Variants in TBC1D7 observed in about 807,000 individuals in gnomAD.
TBC1D7 encodes TBC domain family 7.
TBC1D7 carries 33 observed loss-of-function variants against 35.3 expected under a neutral mutation model. The ratio of observed to expected loss-of-function variants is 0.93; its 90% CI spans 0.71 to 1.25. The LOEUF (loss-of-function observed/expected upper bound fraction) is 1.25. Ranked by LOEUF, TBC1D7 falls within the 50% of genes most tolerant of loss-of-function variation. The pLI is 0.00. For synonymous variants in TBC1D7, 135 were observed against 129.5 expected (o/e 1.04, Z -0.29); for missense variants, 362 against 365.3 (o/e 0.99, Z 0.07).
At chr6:13,309,630 T>C (rs1012188450) in intron 5 of TBC1D7, among the ~76,000 whole-genome samples, 8 of 152,336 alleles carry the variant, frequency 5.3e-5, no homozygotes, top group African/African-American at 9.6e-5. Flanking sequence ...AAAGAGGACA[T>C]AGACAGCAAG....
intron 3 of TBC1D7, among the ~76,000 whole-genome samples, chr6:13,321,424 C>T (rs542629255): frequency 6.6e-6 from 1 of 152,328 alleles, no homozygotes; most frequent in Non-Finnish European, 1.5e-5. Context: ...TAATTTATGG[C>T]AGCCTCAGGC....
chr6:13,325,304 T>C (rs550940093), intron 2 of TBC1D7, 130 bp from the exon 3 acceptor site: 1 of 638,998 alleles, frequency 1.6e-6, no homozygotes, highest in African/African-American at 1.9e-5. Flanking sequence ...ATATGGTCAG[T>C]AAGTTTAGGA....
chr6:13,328,071 G>A (rs997162719), intron 1 of TBC1D7: 5 of 152,136 alleles, frequency 3.3e-5, no homozygotes, highest in African/African-American at 1.2e-4. Flanking sequence ...TAATGAGTGT[G>A]GGGATTTATT....
Position 13,316,641 on chromosome 6 carries a change from T to C in TBC1D7, c.449A>G (p.Asp150Gly), listed in dbSNP as rs567022399. Reference sequence around the variant, plus strand: ...AAAGCGTCGGGTGATCCAGTAACAGTCGACACTATCTTCCACCATTTCCTC... The same window carrying C: ...AAAGCGTCGGGTGATCCAGTAACAGCCGACACTATCTTCCACCATTTCCTC... ...AMEEMVEDSVDCYWITRRFVN... is the reference protein window; with the variant it reads ...AMEEMVEDSVGCYWITRRFVN... Residue 150 changes from aspartate to glycine, a missense_variant, in exon 5 of 8, where the codon GAC (aspartate) becomes GGC (glycine). Transcript: ENST00000379300. 1.9e-5 allele frequency: 30 copies of C among 1,613,968 alleles called. No individual in the cohort carries two copies. The South Asian group carries it at 3.0e-4, about 16-fold the overall frequency.
Position 13,307,696 on chromosome 6 carries a change from G to A in TBC1D7, c.569C>T (p.Thr190Ile), listed in dbSNP as rs751221249. Residue 190 changes from threonine to isoleucine, a missense_variant, in exon 6 of 8, where the codon ACT (threonine) becomes ATT (isoleucine). Coordinates refer to ENST00000379300, the MANE Select transcript of TBC1D7 (RefSeq NM_016495.6). ...YLNLEDGRLL[T>I]HLRMCSAAPK... ...CGCCGCGGAACACATCCTCAGATGA[G>A]TCAGCAGTCTGCCATCTTCCAGATT... 1 of 1,614,126 alleles carries A rather than the reference G, an allele frequency of 6.2e-7. No individual in the cohort carries two copies. The highest frequency in any genetic ancestry group is 8.5e-7 in the Non-Finnish European group (1 of 1,179,996).
intron 5 of TBC1D7, among the ~76,000 whole-genome samples, chr6:13,313,510 T>C (rs1037469094): frequency 3.3e-5 from 5 of 152,162 alleles, no homozygotes; most frequent in African/African-American, 9.7e-5. Context: ...ATTTTAAATA[T>C]GTCTCCCCTC....
intron 6 of TBC1D7, 50 bp from the exon 7 acceptor site, chr6:13,306,577 T>C (rs746797390): frequency 1.4e-6 from 2 of 1,429,558 alleles, no homozygotes; most frequent in African/African-American, 1.5e-5. Flanking sequence ...CAGAATTATG[T>C]TTAGCCTAGA....
At position 13,307,624 on chromosome 6, in the gene TBC1D7, C is replaced by G; in HGVS notation, c.641G>C (p.Cys214Ser). 6.2e-7 allele frequency: 1 copy of G among 1,614,178 alleles called. No homozygotes were observed. Among genetic ancestry groups the G allele is most frequent in the East Asian group, 2.2e-5 (1 of 44,888 alleles). ...CCTCTGTAAACTGGATTCAGGCAAA[C>G]ATCCCGCAAAGCACCTCTTGAACCA... ...DLWFKRCFAG[C>S]LPESSLQRVW... Residue 214 changes from cysteine (C) to serine (S), a missense_variant, in exon 6 of 8, where the codon TGT becomes TCT. Coordinates refer to ENST00000379300, the MANE Select transcript of TBC1D7 (RefSeq NM_016495.6).
intron 3 of TBC1D7, chr6:13,323,903 G>C (rs1436673831): frequency 6.6e-6 from 1 of 152,232 alleles, no homozygotes; most frequent in Non-Finnish European, 1.5e-5. Context: ...CCTTAGGCAA[G>C]TTACTTAGCC....
intron 1 of TBC1D7, 40 bp from the exon 2 acceptor site, chr6:13,326,946 C>T (rs201595038): frequency 1.4e-5 from 17 of 1,192,092 alleles, no homozygotes; most frequent in African/African-American, 4.6e-5. Context: ...GAGAGAAAGA[C>T]GAAGGGGAAA....
chr6:13,305,366 C>T (rs1782739545), intron 7 of TBC1D7, among the ~76,000 whole-genome samples, 179 bp from the exon 8 acceptor site: 1 of 152,220 alleles, frequency 6.6e-6, no homozygotes, highest in African/African-American at 2.4e-5. Context: ...CCAGTGTCAG[C>T]CTGCCTGGGT....
chr6:13,315,609 T>C (rs1039977055), intron 5 of TBC1D7, among the ~76,000 whole-genome samples: 1 of 152,034 alleles, frequency 6.6e-6, no homozygotes, highest in African/African-American at 2.4e-5. Context: ...CCCACTTACT[T>C]GGGAGGCTAA....
chr6:13,316,842 CACAGAGT>C, intron 4 of TBC1D7, 134 bp from the exon 5 acceptor site: 1 of 1,067,898 alleles, frequency 9.4e-7, no homozygotes, highest in East Asian at 2.4e-5. Context: ...GATCAAAAAG[CACAGAGT>C]CCCTCCCTGA....
At chr6:13,308,449 T>TCA (rs1254191254) in intron 5 of TBC1D7, among the ~76,000 whole-genome samples, 1 of 151,652 alleles carries the variant, frequency 6.6e-6, no homozygotes, top group African/African-American at 2.4e-5. Context: ...CTTGGTAGCC[T>TCA]CTCTCATGAG....
In TBC1D7 at chr6:13,323,259, A is replaced by G. The variant is rs183114763; in HGVS notation, c.193+1835T>C. Reference sequence around the variant, plus strand: ...TCCCAGCTACTCGGGAGACTGAGGCAGGAGAATCGCCTGAACCCGGGAGGC... The same window carrying G: ...TCCCAGCTACTCGGGAGACTGAGGCGGGAGAATCGCCTGAACCCGGGAGGC... On this transcript the variant is annotated intron_variant, in intron 3 of 7. Transcript: ENST00000379300. 3.1e-3 allele frequency among the ~76,000 whole-genome samples: 468 copies of G among 152,282 alleles called. 2 individuals are homozygous for G. Among genetic ancestry groups the G allele is most frequent in the African/African-American group, 0.011 (453 of 41,554 alleles).
chr6:13,315,524 AC>A (rs2127532426), intron 5 of TBC1D7, among the ~76,000 whole-genome samples: 1 of 152,194 alleles, frequency 6.6e-6, no homozygotes, highest in Non-Finnish European at 1.5e-5. Context: ...GACCGGCCTG[AC>A]CAACACGATG....
intron 3 of TBC1D7, among the ~76,000 whole-genome samples, chr6:13,322,772 A>G (rs1232538405): frequency 1.3e-5 from 2 of 152,352 alleles, no homozygotes; most frequent in Admixed American, 1.3e-4. Flanking sequence ...CCAAGGGAAC[A>G]CACTAAAGTG....
At position 13,316,721 on chromosome 6, in the gene TBC1D7, T is replaced by C. The variant is rs1783652390; in HGVS notation, c.382-13A>G. The C allele has an allele frequency of 1.2e-6, 2 of 1,612,796 alleles. No individual in the cohort carries two copies. Among genetic ancestry groups the C allele is most frequent in the Non-Finnish European group, 1.7e-6 (2 of 1,179,590 alleles). On this transcript the variant is annotated splice_polypyrimidine_tract_variant and intron_variant, in intron 4 of 7. Coordinates refer to ENST00000379300, the MANE Select transcript of TBC1D7 (RefSeq NM_016495.6). ...CATCATCTGGCTCCTGAAAGATTAA[T>C]AATAAATCTCAAGAGGAAGGCAGTG...
intron 3 of TBC1D7, among the ~76,000 whole-genome samples, chr6:13,323,026 G>A (rs952430209): frequency 6.6e-6 from 1 of 152,190 alleles, no homozygotes; most frequent in Non-Finnish European, 1.5e-5. Context: ...TAAACTTCCA[G>A]TGCCTTGTCC....
Sources: allele counts gnomAD v4.1 joint callset (sites outside exome capture counted in the v4.1 genomes callset), GRCh38; gene constraint gnomAD v4.1.1; transcripts MANE v1.5; gene names NCBI Gene and HGNC (gene_info 2026-07-23, HGNC 2026-07-21).